DYRK1A: variants seen among roughly 807,000 people sequenced by gnomAD.
DYRK1A encodes the protein dual specificity tyrosine phosphorylation regulated kinase 1A.
A neutral mutation model predicts 79.7 loss-of-function variants in DYRK1A; 9 were observed. The observed-to-expected ratio is 0.11, with a 90% confidence interval of 0.07 to 0.20. DYRK1A has a LOEUF of 0.20. DYRK1A is among the 10% of genes least tolerant of loss of function. The pLI, the probability that DYRK1A is intolerant of heterozygous loss-of-function variation, is 1.00. For synonymous variants in DYRK1A, 349 were observed against 329.7 expected (o/e 1.06, Z -0.63); for missense variants, 622 against 956.0 (o/e 0.65, Z 4.61).
chr21:37,464,307 A>T (rs1266878784), intron 2 of DYRK1A: 2 of 500,860 alleles, frequency 4.0e-6, no homozygotes, highest in African/African-American at 3.9e-5. Flanking sequence ...GTCTCTAGTT[A>T]TTATAGTTCC....
intron 2 of DYRK1A, among the ~76,000 whole-genome samples, chr21:37,437,102 G>A (rs2050947120): frequency 6.6e-6 from 1 of 152,160 alleles, no homozygotes; most frequent in African/African-American, 2.4e-5. Flanking sequence ...TTCGAAAATT[G>A]CATTTACTAA....
chr21:37,401,438 T>G (rs532212560), intron 1 of DYRK1A, among the ~76,000 whole-genome samples: 1 of 152,060 alleles, frequency 6.6e-6, no homozygotes, highest in African/African-American at 2.4e-5. Flanking sequence ...CACCTTAAGA[T>G]ACGTATTTTG....
intron 9 of DYRK1A, chr21:37,501,491 A>G (rs895070174): frequency 1.3e-5 from 2 of 152,156 alleles, no homozygotes; most frequent in Non-Finnish European, 2.9e-5. Context: ...TTTAACAGTC[A>G]TTCTGAAATG....
At chr21:37,464,658 A>G (rs1022630171) in intron 2 of DYRK1A, among the ~76,000 whole-genome samples, 2 of 152,234 alleles carry the variant, frequency 1.3e-5, no homozygotes, top group African/African-American at 4.8e-5. Context: ...ATATTATTAT[A>G]CTGAGTTGAA....
At chr21:37,497,911 TAAGC>T (rs1365360107) in intron 9 of DYRK1A, among the ~76,000 whole-genome samples, 4 of 152,176 alleles carry the variant, frequency 2.6e-5, no homozygotes, top group Non-Finnish European at 5.9e-5. Context: ...GCAATTGACT[TAAGC>T]AACTTAATTT....
chr21:37,481,473 CT>C (rs2052638842), intron 5 of DYRK1A: 1 of 152,288 alleles, frequency 6.6e-6, no homozygotes, highest in African/African-American at 2.4e-5. Flanking sequence ...CTCACTGCAA[CT>C]TCCATTTCCC....
chr21:37,508,234 C>G lies in DYRK1A; in HGVS notation c.1644+2011C>G, dbSNP rs147567014. On this transcript the variant is annotated intron_variant, in intron 11 of 11. Coordinates refer to ENST00000647188, the MANE Select transcript of DYRK1A (RefSeq NM_001347721.2). ...ATTCACCTGTCAGCACCATTCTCTT[C>G]CCTGCAGCCAAGTGAGCTTTCACTA... is the stretch of plus-strand genomic sequence containing the variant. Among the ~76,000 whole-genome samples, 4 of 152,298 alleles carry G rather than the reference C, an allele frequency of 2.6e-5. No individual in the cohort carries two copies. In the East Asian group the frequency reaches 5.8e-4, roughly 22 times the overall value.
chr21:37,430,642 C>T (rs1188736219), intron 2 of DYRK1A, among the ~76,000 whole-genome samples: 4 of 152,108 alleles, frequency 2.6e-5, no homozygotes, highest in East Asian at 1.9e-4. Flanking sequence ...GTTTATTTAG[C>T]GAGTGTGAGC....
chr21:37,470,432 A>G (rs1446713163), intron 2 of DYRK1A, among the ~76,000 whole-genome samples: 2 of 152,200 alleles, frequency 1.3e-5, no homozygotes, highest in Admixed American at 6.5e-5. Flanking sequence ...ATTTTTATAA[A>G]AAGTGTTTGG....
intron 1 of DYRK1A, among the ~76,000 whole-genome samples, chr21:37,369,023 TC>T (rs2049376666): frequency 6.6e-6 from 1 of 152,200 alleles, no homozygotes; most frequent in Non-Finnish European, 1.5e-5. Context: ...TTAAAGATAT[TC>T]CTTGATGTGT....
chr21:37,471,338 A>G (rs956961052), intron 2 of DYRK1A, among the ~76,000 whole-genome samples: 2 of 152,210 alleles, frequency 1.3e-5, no homozygotes, highest in African/African-American at 4.8e-5. Context: ...AAATGGTGTC[A>G]TTCCCTGTGG....
intron 2 of DYRK1A, among the ~76,000 whole-genome samples, chr21:37,459,203 G>T (rs1293451680): frequency 2.6e-5 from 4 of 152,130 alleles, no homozygotes; most frequent in Non-Finnish European, 5.9e-5. Flanking sequence ...CATCTTTGAT[G>T]GACAATCATT....
Position 37,406,423 on chromosome 21 carries a change from C to T in DYRK1A, c.-76-13876C>T, listed in dbSNP as rs992905502. Among the ~76,000 whole-genome samples the T allele has an allele frequency of 2.6e-5, 4 of 152,230 alleles. No individual in the cohort carries two copies. In the East Asian group the frequency reaches 7.7e-4, roughly 29 times the overall value. On this transcript the variant is annotated intron_variant, in intron 1 of 11. Transcript: ENST00000647188. ...AAATATAAAGTGATGGGACAGGGTG[C>T]GGTGGCTCAAGTCTGTAATCCTAGT...
chr21:37,426,695 G>A (rs1217198377), intron 2 of DYRK1A, among the ~76,000 whole-genome samples: 2 of 151,368 alleles, frequency 1.3e-5, no homozygotes, highest in African/African-American at 4.9e-5. Flanking sequence ...CAGATCACGA[G>A]GTCAGGAGAT....
intron 9 of DYRK1A, among the ~76,000 whole-genome samples, chr21:37,501,037 A>G (rs2148639142): frequency 6.6e-6 from 1 of 151,308 alleles, no homozygotes; most frequent in South Asian, 2.1e-4. Flanking sequence ...CCAGCTTCTT[A>G]AAGGTGGAAA....
intron 1 of DYRK1A, among the ~76,000 whole-genome samples, chr21:37,411,023 T>C (rs2050232033): frequency 8.0e-6 from 1 of 125,446 alleles, no homozygotes; most frequent in Non-Finnish European, 1.6e-5. Context: ...CACTCCAGCC[T>C]GGGCGACAGA....
intron 2 of DYRK1A, among the ~76,000 whole-genome samples, chr21:37,442,816 G>C (rs2148481757): frequency 6.6e-6 from 1 of 152,214 alleles, no homozygotes; most frequent in South Asian, 2.1e-4. Flanking sequence ...TGAATACATG[G>C]AGTACAGTTA....
intron 2 of DYRK1A, among the ~76,000 whole-genome samples, chr21:37,443,852 T>C (rs1490660069): frequency 1.3e-5 from 2 of 152,236 alleles, no homozygotes; most frequent in Admixed American, 6.5e-5. Flanking sequence ...ACCAGTCATA[T>C]TGCATTAGTG....
chr21:37,403,675 G>A (rs866205719), intron 1 of DYRK1A, among the ~76,000 whole-genome samples: 3,705 of 139,190 alleles, frequency 0.027, 205 homozygotes, highest in African/African-American at 0.1. Flanking sequence ...GTGTGTGTGT[G>A]TGTGTGTGTG....
Sources: gnomAD v4.1 joint callset for allele counts (sites outside exome capture counted in the v4.1 genomes callset) on GRCh38, gnomAD v4.1.1 for gene constraint, MANE v1.5 for transcripts, NCBI Gene and HGNC (gene_info 2026-07-23, HGNC 2026-07-21) for gene names.